SSNA1: variants seen among roughly 807,000 people sequenced by gnomAD.
The protein encoded by SSNA1 is microtubule nucleation factor SSNA1.
Under a neutral mutation model 13.3 loss-of-function variants are expected in SSNA1, and 13 were observed. That is an observed-to-expected ratio of 0.97 (90% confidence interval 0.63 to 1.55). The LOEUF is 1.55. SSNA1 is among the 40% of genes most tolerant of loss of function. The pLI is 0.00. For missense variants in SSNA1, 186 were observed against 152.7 expected, an observed-to-expected ratio of 1.22 and a Z score of -1.15; for synonymous variants, 89 against 65.9, an observed-to-expected ratio of 1.35 and a Z score of -1.70.
At chr9:137,188,799 G>A in intron 1 of SSNA1, 21 bp downstream of exon 1, 1 of 1,559,376 alleles carries the variant, frequency 6.4e-7, no homozygotes, top group Non-Finnish European at 8.6e-7. Flanking sequence ...CAGCCGGGAC[G>A]GGGAGGTCGG....
At chr9:137,189,030 C>T (rs775972695) in intron 1 of SSNA1, 36 bp from the exon 2 acceptor site, 4 of 1,547,452 alleles carry the variant, frequency 2.6e-6, no homozygotes, top group Middle Eastern at 1.8e-4. Context: ...CGCGCTCCTG[C>T]CCTGGGCCCA....
At chr9:137,189,041 C>T (rs768225760) in intron 1 of SSNA1, 25 bp from the exon 2 acceptor site, 1 of 1,550,480 alleles carries the variant, frequency 6.4e-7, no homozygotes, top group South Asian at 1.2e-5. Flanking sequence ...CCTGGGCCCA[C>T]AGCGCCGCCC....
At chr9:137,189,378 C>T in intron 2 of SSNA1, 113 bp downstream of exon 2, 1 of 1,289,592 alleles carries the variant, frequency 7.8e-7, no homozygotes, top group Admixed American at 1.9e-5. Flanking sequence ...CTGTGCCTCG[C>T]TGGCATTTCG....
rs759338803 is a variant in SSNA1 at position 137,189,073 on chromosome 9, G to A, written c.60G>A (p.Glu20=). 16 of 1,569,028 alleles carry A rather than the reference G, an allele frequency of 1.0e-5. No homozygotes were observed. The East Asian group carries it at 3.6e-4, about 35-fold the overall frequency. Reference sequence around the variant, plus strand: ...GCCCCTCCCGGCCCCCAGGCATAGAGGAGCTGTGCCAGAAGCGGGAGGAGC... The same window carrying A: ...GCCCCTCCCGGCCCCCAGGCATAGAAGAGCTGTGCCAGAAGCGGGAGGAGC... ...NYNNELVKCI[E]ELCQKREELC... The change falls in exon 2 of 3, where the codon GAG becomes GAA. Residue 20 remains glutamate, a synonymous_variant. Transcript: ENST00000322310.
chr9:137,189,285 G>A lies in SSNA1; in HGVS notation c.252+20G>A. On this transcript the variant is annotated intron_variant, in intron 2 of 2. Coordinates refer to ENST00000322310, the MANE Select transcript of SSNA1 (RefSeq NM_003731.3). ...CTCAAGGTGGAGCTCGGGAGGCCAGGCCGAGCATCAGGGGATAGGCACGGC... is the reference window on the plus strand; with the variant it reads ...CTCAAGGTGGAGCTCGGGAGGCCAGACCGAGCATCAGGGGATAGGCACGGC... 1 of 1,612,456 alleles carries A rather than the reference G, an allele frequency of 6.2e-7. No homozygotes were observed. The highest frequency in any genetic ancestry group is 1.1e-5 in the South Asian group (1 of 91,042).
At chr9:137,189,045 G>A (rs945085222) in intron 1 of SSNA1, 21 bp from the exon 2 acceptor site, 1 of 1,551,512 alleles carries the variant, frequency 6.4e-7, no homozygotes. Context: ...GGCCCACAGC[G>A]CCGCCCCTCC....
chr9:137,189,309 G>A (rs777463406), intron 2 of SSNA1, 44 bp downstream of exon 2: 4 of 1,605,064 alleles, frequency 2.5e-6, no homozygotes, highest in Non-Finnish European at 3.4e-6. Context: ...GATAGGCACG[G>A]CAGGGGTGTT....
rs554228076 is a variant in SSNA1, at chr9:137,188,712, C to T, written c.-15C>T. On this transcript the variant is annotated 5_prime_UTR_variant, in exon 1 of 3. Coordinates refer to ENST00000322310, the MANE Select transcript of SSNA1 (RefSeq NM_003731.3). ...CGCGGCGGTTGGGGTGGTGGGGCCC[C>T]GGGCGGCGTTGACCATGACCCAGCA... 3 of 1,580,642 alleles carry T rather than the reference C, an allele frequency of 1.9e-6. No individual in the cohort carries two copies. The highest frequency in any genetic ancestry group is 2.2e-5 in the South Asian group (2 of 89,034).
At position 137,190,242 on chromosome 9, in the gene SSNA1, C is replaced by G. The variant is rs577928769; in HGVS notation, c.*328C>G. 1.5e-5 allele frequency: 5 copies of G among 333,708 alleles called. No homozygotes were observed. Among genetic ancestry groups the G allele is most frequent in the African/African-American group, 6.3e-5 (3 of 47,740 alleles). The allele number at this position is 333,708 out of a possible 1,614,324, so 20.7% of individuals were successfully genotyped here. ...ACCATGGGGGCCCCCTCACCTTGTC[C>G]CTCCTCAGCCAGCAGAGGCCCAGGG... is the stretch of plus-strand genomic sequence containing the variant. On this transcript the variant is annotated 3_prime_UTR_variant, in exon 3 of 3. Coordinates refer to ENST00000322310, the MANE Select transcript of SSNA1 (RefSeq NM_003731.3).
At position 137,189,257 on chromosome 9, in the gene SSNA1, T is replaced by C; in HGVS notation, c.244T>C (p.Tyr82His). Residue 82 changes from tyrosine to histidine, a missense_variant, in exon 2 of 3, where the codon TAC becomes CAC. Coordinates refer to ENST00000322310, the MANE Select transcript of SSNA1 (RefSeq NM_003731.3). Reference protein sequence around the residue: ...DRTIAETEAAYLKILESSQTL... With the variant: ...DRTIAETEAAHLKILESSQTL... ...GACCATCGCGGAGACGGAGGCCGCC[T>C]ACCTCAAGGTGGAGCTCGGGAGGCC... is the stretch of plus-strand genomic sequence containing the variant. 1 of 1,613,004 alleles carries C rather than the reference T, an allele frequency of 6.2e-7. No individual in the cohort carries two copies. Among genetic ancestry groups the C allele is most frequent in the South Asian group, 1.1e-5 (1 of 91,082 alleles).
Position 137,189,918 on chromosome 9 carries a change from G to A in SSNA1, c.*4G>A, listed in dbSNP as rs527472867. 2 of 1,612,738 alleles carry A rather than the reference G, an allele frequency of 1.2e-6. No homozygotes were observed. Among genetic ancestry groups the A allele is most frequent in the African/African-American group, 2.7e-5 (2 of 74,936 alleles). On this transcript the variant is annotated 3_prime_UTR_variant, in exon 3 of 3. Coordinates refer to ENST00000322310, the MANE Select transcript of SSNA1 (RefSeq NM_003731.3). ...TAGCGGCGGCAGGGACAGCTGACCAGACCACGGGCAGGGCCTGCCTCCGTG... is the reference window on the plus strand; with the variant it reads ...TAGCGGCGGCAGGGACAGCTGACCAAACCACGGGCAGGGCCTGCCTCCGTG...
chr9:137,189,763 C>A (rs769491317), intron 2 of SSNA1, 44 bp from the exon 3 acceptor site: 6 of 1,578,210 alleles, frequency 3.8e-6, no homozygotes, highest in Non-Finnish European at 5.2e-6. Context: ...TAGGACCTTA[C>A]CAACAGGTGA....
At chr9:137,188,944 A>T in intron 1 of SSNA1, 122 bp from the exon 2 acceptor site, 2 of 1,336,506 alleles carry the variant, frequency 1.5e-6, no homozygotes, top group Non-Finnish European at 2.0e-6. Context: ...GCTGGCTCGC[A>T]GGCCCCGCGC....
Position 137,189,277 on chromosome 9 carries a change from G to A in SSNA1, c.252+12G>A. On this transcript the variant is annotated intron_variant, in intron 2 of 2. Coordinates refer to ENST00000322310, the MANE Select transcript of SSNA1 (RefSeq NM_003731.3). ...CCGCCTACCTCAAGGTGGAGCTCGG[G>A]AGGCCAGGCCGAGCATCAGGGGATA... 1 of 1,612,826 alleles carries A rather than the reference G, an allele frequency of 6.2e-7. No individual in the cohort carries two copies. Among genetic ancestry groups the A allele is most frequent in the Non-Finnish European group, 8.5e-7 (1 of 1,179,830 alleles).
chr9:137,188,875 T>C (rs1834545882), intron 1 of SSNA1, 97 bp downstream of exon 1: 1 of 1,390,260 alleles, frequency 7.2e-7, no homozygotes, highest in Non-Finnish European at 9.4e-7. Context: ...GCTGCGGGCA[T>C]CGCGCGGCTG....
In SSNA1 at chr9:137,188,947, C is replaced by T; in HGVS notation, c.53-119C>T. On this transcript the variant is annotated intron_variant, in intron 1 of 2. Transcript: ENST00000322310. ...GCCCGAGCCCTCGCTGGCTCGCAGG[C>T]CCCGCGCCGGGCGCTCGGGGGTGGT... 5 of 1,356,082 alleles carry T rather than the reference C, an allele frequency of 3.7e-6. No individual in the cohort carries two copies. In the South Asian group the frequency reaches 6.1e-5, roughly 17 times the overall value. The allele number at this position is 1,356,082 out of a possible 1,614,324, so 84.0% of individuals were successfully genotyped here. A position where few individuals can be genotyped will look rare whatever the true frequency, so the allele number is the denominator to read the frequency against.
Position 137,189,837 on chromosome 9 carries a change from G to C in SSNA1, c.283G>C (p.Val95Leu), listed in dbSNP as rs562308279. 1.2e-6 allele frequency: 2 copies of C among 1,614,002 alleles called. No individual in the cohort carries two copies. The highest frequency in any genetic ancestry group is 3.3e-5 in the Admixed American group (2 of 60,018). ...ILESSQTLLSVLKREAGNLTK... is the reference protein window; with the variant it reads ...ILESSQTLLSLLKREAGNLTK... ...GGAGAGCTCCCAGACTTTGCTCAGC[G>C]TTCTCAAGAGGGAAGCTGGGAACCT... Residue 95 changes from valine (V) to leucine (L), a missense_variant, in exon 3 of 3, where the codon GTT (valine) becomes CTT (leucine). Val to Leu is a conservative substitution (Grantham distance 32). Transcript: ENST00000322310.
intron 1 of SSNA1, 117 bp from the exon 2 acceptor site, chr9:137,188,949 C>G: frequency 2.2e-6 from 3 of 1,363,806 alleles, no homozygotes; most frequent in Non-Finnish European, 1.9e-6. Flanking sequence ...CTCGCAGGCC[C>G]CGCGCCGGGC....
Position 137,190,228 on chromosome 9 carries a change from C to T in SSNA1, c.*314C>T, listed in dbSNP as rs1004710290. 8.3e-6 allele frequency: 3 copies of T among 360,016 alleles called. No homozygotes were observed. Among genetic ancestry groups the T allele is most frequent in the Admixed American group, 4.3e-5 (1 of 23,274 alleles). 22.3% of individuals were successfully genotyped at this position (360,016 alleles called of 1,614,324 possible). On this transcript the variant is annotated 3_prime_UTR_variant, in exon 3 of 3. Transcript: ENST00000322310. ...CTGGTTGTCTGAGCACCATGGGGGC[C>T]CCCTCACCTTGTCCCTCCTCAGCCA...
Sources: allele counts gnomAD v4.1 joint callset, GRCh38; gene constraint gnomAD v4.1.1; transcripts MANE v1.5; gene names NCBI Gene and HGNC (gene_info 2026-07-23, HGNC 2026-07-21).